Variants in AR observed in about 807,000 individuals in gnomAD.
AR encodes dihydrotestosterone receptor.
A neutral mutation model predicts 53.9 loss-of-function variants in AR; 8 were observed. The ratio of observed to expected loss-of-function variants is 0.15; its 90% CI spans 0.09 to 0.27. The LOEUF is 0.27. Ranked by LOEUF, AR falls within the 10% of genes least tolerant of loss-of-function variation. The probability of loss-of-function intolerance (pLI) is 1.00; values close to 1 mark genes in which losing one functional copy is unlikely to be tolerated. For synonymous variants in AR, 359 were observed against 316.4 expected (o/e 1.13, Z -1.43); for missense variants, 639 against 742.5 (o/e 0.86, Z 1.62).
chrX:67,627,312 T>G (rs1270528080), intron 1 of AR, among the ~76,000 whole-genome samples: 1 of 111,878 alleles, frequency 8.9e-6, no homozygotes, highest in Non-Finnish European at 1.9e-5. Context: ...GACTTTTTAA[T>G]GATTGCCATT....
chrX:67,650,398 G>C (rs1172962679), intron 2 of AR, among the ~76,000 whole-genome samples: 1 of 111,890 alleles, frequency 8.9e-6, no homozygotes, highest in African/African-American at 3.2e-5. Flanking sequence ...TCAGGGAATT[G>C]CTGGGTGACT....
chrX:67,637,546 A>T (rs1248044204), intron 1 of AR, among the ~76,000 whole-genome samples: 1 of 108,585 alleles, frequency 9.2e-6, no homozygotes, highest in Non-Finnish European at 1.9e-5. Context: ...CACGGTGTAT[A>T]TGTGCCACAT....
intron 1 of AR, chrX:67,569,146 G>A (rs377380921): frequency 9.2e-5 from 59 of 643,253 alleles, no homozygotes; most frequent in Non-Finnish European, 1.2e-4. Flanking sequence ...AGACTAGCTT[G>A]CTTGAATATC....
intron 3 of AR, among the ~76,000 whole-genome samples, chrX:67,700,111 A>G (rs2076036490): frequency 9.0e-6 from 1 of 111,698 alleles, no homozygotes; most frequent in African/African-American, 3.3e-5. Flanking sequence ...GGAGGTATGG[A>G]CTGGAAAGCC....
intron 2 of AR, among the ~76,000 whole-genome samples, chrX:67,659,788 G>A (rs1038215503): frequency 5.4e-5 from 6 of 111,561 alleles, no homozygotes; most frequent in Middle Eastern, 4.6e-3. Flanking sequence ...CTGAGGAATC[G>A]CCACACTGAC....
chrX:67,613,947 C>T (rs1264206141), intron 1 of AR, among the ~76,000 whole-genome samples: 2 of 112,178 alleles, frequency 1.8e-5, no homozygotes, highest in Non-Finnish European at 3.8e-5. Flanking sequence ...GTTTCCAAGC[C>T]ACATGCACAT....
At position 67,546,017 on chromosome X, in the gene AR, A is replaced by C. The variant is rs2147318887; in HGVS notation, c.871A>C (p.Lys291Gln). 1 of 1,212,305 alleles carries C rather than the reference A, an allele frequency of 8.2e-7. No homozygotes were observed. Among genetic ancestry groups the C allele is most frequent in the East Asian group, 3.0e-5 (1 of 33,834 alleles). The change falls in exon 1 of 8, where the codon AAA (lysine) becomes CAA (glutamine). Residue 291 changes from lysine (K) to glutamine (Q), a missense_variant. Around this residue, in one of 5 missense-constraint regions of AR, gnomAD observed 423 missense variants for 377.0 expected, o/e 1.12. Coordinates refer to ENST00000374690, the MANE Select transcript of AR (RefSeq NM_000044.6). ...TCCTTGTGCCCCATTGGCCGAATGC[A>C]AAGGTTCTCTGCTAGACGACAGCGC... is the stretch of plus-strand genomic sequence containing the variant. ...PTPCAPLAEC[K>Q]GSLLDDSAGK...
In AR at chrX:67,662,298, G is replaced by C. The variant is rs1241228551; in HGVS notation, c.1768+18891G>C. ...ATTGTGATGTTAGGGTTTCAATTTTGGATCTTTCCTGCTTTCTCTTGTGGG... is the reference window on the plus strand; with the variant it reads ...ATTGTGATGTTAGGGTTTCAATTTTCGATCTTTCCTGCTTTCTCTTGTGGG... On this transcript the variant is annotated intron_variant, in intron 2 of 7. Transcript: ENST00000374690. Among the ~76,000 whole-genome samples, 4 of 110,576 alleles carry C rather than the reference G, an allele frequency of 3.6e-5. No homozygotes were observed. In the South Asian group the frequency reaches 1.6e-3, roughly 43 times the overall value.
chrX:67,609,330 C>CA (rs1278333563), intron 1 of AR, among the ~76,000 whole-genome samples: 5 of 111,245 alleles, frequency 4.5e-5, no homozygotes, highest in Non-Finnish European at 9.4e-5. Flanking sequence ...ATAGTCCTCT[C>CA]AAAAAAGTTT....
intron 1 of AR, among the ~76,000 whole-genome samples, chrX:67,593,591 C>T (rs1922940510): frequency 9.0e-6 from 1 of 111,051 alleles, no homozygotes; most frequent in Non-Finnish European, 1.9e-5. Context: ...ACCTCATGAT[C>T]TGCCCGCCTT....
intron 1 of AR, among the ~76,000 whole-genome samples, chrX:67,609,095 G>GC (rs1470204239): frequency 9.0e-6 from 1 of 111,054 alleles, no homozygotes; most frequent in Non-Finnish European, 1.9e-5. Context: ...CACTTGGAAA[G>GC]CATTGCCCTG....
chrX:67,598,857 G>C (rs1056355832), intron 1 of AR, among the ~76,000 whole-genome samples: 5 of 110,363 alleles, frequency 4.5e-5, no homozygotes, highest in Non-Finnish European at 7.6e-5. Context: ...AAGCATGGTG[G>C]TGATTTATTC....
chrX:67,714,506 A>G (rs1204522332), intron 4 of AR, among the ~76,000 whole-genome samples: 2 of 111,886 alleles, frequency 1.8e-5, no homozygotes, highest in African/African-American at 6.5e-5. Context: ...TGGCAGATGT[A>G]CTACAGCAGC....
At chrX:67,691,490 G>A (rs762147274) in intron 3 of AR, among the ~76,000 whole-genome samples, 20 of 111,854 alleles carry the variant, frequency 1.8e-4, no homozygotes, top group Non-Finnish European at 3.0e-4. Context: ...TGAATACTGC[G>A]GTAAAGTAAC....
At position 67,562,376 on chromosome X, in the gene AR, G is replaced by GTGTGTGTGTC. The variant is rs1555971663; in HGVS notation, c.1616+15623_1616+15624insCTGTGTGTGT. On this transcript the variant is annotated intron_variant, in intron 1 of 7. Transcript: ENST00000374690. Reference sequence around the variant, plus strand: ...TGTATATGTGTGTGTGTGTGTGTGTGTGTGTGTGTGTGTGTGTGTATGTGT... The same window carrying GTGTGTGTGTC: ...TGTATATGTGTGTGTGTGTGTGTGTGTGTGTGTGTCTGTGTGTGTGTGTGTGTGTATGTGT... Among the ~76,000 whole-genome samples, 153 of 109,335 alleles carry GTGTGTGTGTC rather than the reference G, an allele frequency of 1.4e-3. 1 individual carries two copies. The highest frequency in any genetic ancestry group is 4.7e-3 in the African/African-American group (141 of 29,948). 94.9% of individuals were successfully genotyped at this position (109,335 alleles called of 115,157 possible).
chrX:67,664,050 T>C (rs1317406329), intron 2 of AR, among the ~76,000 whole-genome samples: 1 of 111,807 alleles, frequency 8.9e-6, no homozygotes, highest in Non-Finnish European at 1.9e-5. Flanking sequence ...TTTAACTTCT[T>C]TGCCATGCGT....
chrX:67,555,173 T>C (rs1930146763), intron 1 of AR, among the ~76,000 whole-genome samples: 1 of 111,140 alleles, frequency 9.0e-6, no homozygotes, highest in Non-Finnish European at 1.9e-5. Context: ...CGGTATGGAT[T>C]TCTTAAAATG....
intron 3 of AR, among the ~76,000 whole-genome samples, chrX:67,702,887 C>T (rs1251466922): frequency 9.0e-6 from 1 of 111,262 alleles, no homozygotes; most frequent in Non-Finnish European, 1.9e-5. Flanking sequence ...AGTTTGAGTC[C>T]AGCCTGGACA....
At chrX:67,673,342 T>C (rs1300038503) in intron 2 of AR, among the ~76,000 whole-genome samples, 1 of 93,471 alleles carries the variant, frequency 1.1e-5, no homozygotes, top group African/African-American at 3.4e-5. Flanking sequence ...GAATAAACTT[T>C]CTACCAAGAT....
Sources: allele counts gnomAD v4.1 joint callset (sites outside exome capture counted in the v4.1 genomes callset), GRCh38; gene constraint gnomAD v4.1.1; regional missense constraint gnomAD v4.1.1; transcripts MANE v1.5; gene names NCBI Gene and HGNC (gene_info 2026-07-23, HGNC 2026-07-21).